ZSWIM9: variants seen among roughly 807,000 people sequenced by gnomAD.
ZSWIM9 encodes uncharacterized protein ZSWIM9.
A neutral mutation model predicts 25.0 loss-of-function variants in ZSWIM9; 11 were observed. That is an observed-to-expected ratio of 0.44 (90% confidence interval 0.28 to 0.73). The LOEUF (loss-of-function observed/expected upper bound fraction) is 0.73. Among genes scored for constraint, ZSWIM9 ranks in the 30% least tolerant of loss-of-function variants. The pLI is 0.16. For synonymous variants in ZSWIM9, 562 were observed against 582.1 expected (o/e 0.97, Z 0.50); for missense variants, 1,070 against 1,296.5 (o/e 0.83, Z 2.68).
At chr19:48,172,132 G>T in intron 2 of ZSWIM9, 55 bp downstream of exon 2, 8 of 1,110,872 alleles carry the variant, frequency 7.2e-6, no homozygotes, top group Non-Finnish European at 1.0e-5. Flanking sequence ...CCGGGGGTGG[G>T]TGTGGGTGGG....
Position 48,171,873 on chromosome 19 carries a change from TC to T in ZSWIM9, c.72del (p.Phe25SerfsTer82). 1 of 1,535,524 alleles carries T rather than the reference TC, an allele frequency of 6.5e-7. No homozygotes were observed. Among genetic ancestry groups the T allele is most frequent in the Non-Finnish European group, 8.7e-7 (1 of 1,146,638 alleles). On this transcript the variant is annotated frameshift_variant, in exon 2 of 4. Coordinates refer to ENST00000614654, the MANE Select transcript of ZSWIM9 (RefSeq NM_199341.4). LOFTEE classifies it high-confidence loss of function. ...QEEQELRERA[F>X]FSWAEFSRFF... is the part of the protein sequence containing the mutation. ...GAGCAGGAGCTGCGGGAGCGGGCCT[TC>T]TTCTCGTGGGCCGAGTTCAGCCGCT...
At position 48,182,554 on chromosome 19, in the gene ZSWIM9, G is replaced by A. The variant is rs565428109; in HGVS notation, c.375G>A (p.Pro125=). ...AGTGCCAGCTGACCCACTCACACCC[G>A]GCCTGCCCGCTGGAGTTCGCCTACT... ...VTECQLTHSH[P]ACPLEFAYYF... The change falls in exon 3 of 4, where the codon CCG becomes CCA. Residue 125 remains proline (P), a synonymous_variant. Coordinates refer to ENST00000614654, the MANE Select transcript of ZSWIM9 (RefSeq NM_199341.4). The surrounding 1 kb of genome is among the most constrained non-coding windows in gnomAD (Gnocchi z 4.6). 1,030 of 1,535,836 alleles carry A rather than the reference G, an allele frequency of 6.7e-4. 6 individuals carry two copies. In the African/African-American group the frequency reaches 0.012, roughly 19 times the overall value.
At chr19:48,179,791 T>C (rs2036929320) in intron 2 of ZSWIM9, among the ~76,000 whole-genome samples, 1 of 152,232 alleles carries the variant, frequency 6.6e-6, no homozygotes, top group African/African-American at 2.4e-5. Context: ...ATGATTGTCT[T>C]AGTCTCAATT....
At position 48,195,975 on chromosome 19, in the gene ZSWIM9, A is replaced by T. The variant is rs1290990455; in HGVS notation, c.1911A>T (p.Ala637=). Residue 637 remains alanine, a synonymous_variant, in exon 4 of 4, where the codon GCA becomes GCT. Coordinates refer to ENST00000614654, the MANE Select transcript of ZSWIM9 (RefSeq NM_199341.4). This position sits in a 1 kb window ranked among gnomAD's most constrained non-coding sequence, Gnocchi z 5.8. ...WRGAQLHDER[A]GGLRTAEWKG... is the part of the protein sequence containing the mutation. ...GGGCGCAGCTGCACGATGAAAGGGC[A>T]GGGGGACTGAGAACTGCAGAATGGA... 2 of 1,313,136 alleles carry T rather than the reference A, an allele frequency of 1.5e-6. No individual in the cohort carries two copies. The highest frequency in any genetic ancestry group is 9.7e-7 in the Non-Finnish European group (1 of 1,035,240). The allele number at this position is 1,313,136 out of a possible 1,614,324, so 81.3% of individuals were successfully genotyped here. A position where few individuals can be genotyped will look rare whatever the true frequency, so the allele number is the denominator to read the frequency against.
At chr19:48,184,166 T>C (rs1481265058) in intron 3 of ZSWIM9, among the ~76,000 whole-genome samples, 1 of 151,484 alleles carries the variant, frequency 6.6e-6, no homozygotes. Context: ...GTTCTAAGGG[T>C]GCTGTTTGAA....
intron 3 of ZSWIM9, among the ~76,000 whole-genome samples, chr19:48,193,569 T>C (rs967924215): frequency 1.1e-4 from 17 of 152,142 alleles, no homozygotes; most frequent in Non-Finnish European, 1.8e-4. Context: ...AAGCAGGCAA[T>C]GGGCAGATCA....
Position 48,195,962 on chromosome 19 carries a change from A to G in ZSWIM9, c.1898A>G (p.His633Arg), listed in dbSNP as rs1290295707. 7.6e-7 allele frequency: 1 copy of G among 1,318,746 alleles called. No homozygotes were observed. Among genetic ancestry groups the G allele is most frequent in the Admixed American group, 3.9e-5 (1 of 25,852 alleles). The allele number at this position is 1,318,746 out of a possible 1,614,324, so 81.7% of individuals were successfully genotyped here. Residue 633 changes from histidine to arginine, a missense_variant, in exon 4 of 4, where the codon CAC (histidine) becomes CGC (arginine). His to Arg is a conservative substitution (Grantham distance 29, BLOSUM62 0). Coordinates refer to ENST00000614654, the MANE Select transcript of ZSWIM9 (RefSeq NM_199341.4). The surrounding 1 kb of genome is among the most constrained non-coding windows in gnomAD (Gnocchi z 5.8). ...AGCCCCTGGAGGGGGGCGCAGCTGCACGATGAAAGGGCAGGGGGACTGAGA... is the reference window on the plus strand; with the variant it reads ...AGCCCCTGGAGGGGGGCGCAGCTGCGCGATGAAAGGGCAGGGGGACTGAGA... The part of the protein sequence containing the change: ...EGSPWRGAQL[H>R]DERAGGLRTA...
intron 2 of ZSWIM9, among the ~76,000 whole-genome samples, chr19:48,178,248 A>G (rs987563980): frequency 6.6e-6 from 1 of 152,218 alleles, no homozygotes; most frequent in African/African-American, 2.4e-5. Flanking sequence ...GTTGATTCTT[A>G]AAATCTAGCA....
intron 3 of ZSWIM9, among the ~76,000 whole-genome samples, chr19:48,193,732 CTT>C (rs1350807468): frequency 1.6e-4 from 25 of 152,352 alleles, no homozygotes; most frequent in African/African-American, 5.5e-4. Context: ...TTTCAGAACA[CTT>C]ACTATTTGTT....
At chr19:48,172,890 C>T (rs199600561) in intron 2 of ZSWIM9, among the ~76,000 whole-genome samples, 10 of 148,624 alleles carry the variant, frequency 6.7e-5, no homozygotes, top group South Asian at 2.1e-4. Flanking sequence ...AAAATAGTCA[C>T]GGAAAATTCC....
Position 48,195,648 on chromosome 19 carries a change from G to A in ZSWIM9, c.1584G>A (p.Leu528=), listed in dbSNP as rs2037152681. ...TCAGAGATTGGAGAGGGGGTCGGTT[G>A]GAGAATCAGAAGCCGAGGGGACTGG... ...LQIRDWRGGR[L]ENQKPRGLEG... The change falls in exon 4 of 4, where the codon TTG becomes TTA. Residue 528 remains leucine (L), a synonymous_variant. Transcript: ENST00000614654. The surrounding 1 kb of genome is among the most constrained non-coding windows in gnomAD (Gnocchi z 5.8). 2 of 1,427,234 alleles carry A rather than the reference G, an allele frequency of 1.4e-6. No individual in the cohort carries two copies. The highest frequency in any genetic ancestry group is 2.9e-5 in the Admixed American group (1 of 34,058). The allele number at this position is 1,427,234 out of a possible 1,614,324, so 88.4% of individuals were successfully genotyped here. A position where few individuals can be genotyped will look rare whatever the true frequency, so the allele number is the denominator to read the frequency against.
At chr19:48,187,106 G>A (rs1568579127) in intron 3 of ZSWIM9, among the ~76,000 whole-genome samples, 1 of 150,860 alleles carries the variant, frequency 6.6e-6, no homozygotes. Flanking sequence ...GCTGGCTTAG[G>A]ATTCATGGGT....
intron 1 of ZSWIM9, 59 bp from the exon 2 acceptor site, chr19:48,171,735 T>C: frequency 1.9e-5 from 26 of 1,365,670 alleles, no homozygotes; most frequent in Non-Finnish European, 2.5e-5. Context: ...ATGGAGTAGA[T>C]GAGATACCCC....
Position 48,195,920 on chromosome 19 carries a change from T to A in ZSWIM9, c.1856T>A (p.Val619Asp). 5.9e-6 allele frequency: 8 copies of A among 1,361,718 alleles called. No homozygotes were observed. In the South Asian group the frequency reaches 1.5e-4, roughly 26 times the overall value. The allele number at this position is 1,361,718 out of a possible 1,614,324, so 84.4% of individuals were successfully genotyped here. The change falls in exon 4 of 4, where the codon GTC becomes GAC. Residue 619 changes from valine to aspartate, a missense_variant. Physicochemically the swap from Val to Asp is radical, Grantham distance 152 (BLOSUM62 -3). Transcript: ENST00000614654. The surrounding 1 kb of genome is among the most constrained non-coding windows in gnomAD (Gnocchi z 5.8). ...GGGACCCAGTTTGACTATGAGAGGGTCAGGAGTCTTGAAGGAAGCCCCTGG... is the reference window on the plus strand; with the variant it reads ...GGGACCCAGTTTGACTATGAGAGGGACAGGAGTCTTGAAGGAAGCCCCTGG... ...LRGTQFDYER[V>D]RSLEGSPWRG...
rs757465058 is a variant in ZSWIM9 at position 48,173,632 on chromosome 19, C to CTTTAT, written c.275+1573_275+1577dup. Reference sequence around the variant, plus strand: ...CCAAATTGACCCCAATTTTATTTTACTTTATTTTATTTTATTTTATTTGAG... The same window carrying CTTTAT: ...CCAAATTGACCCCAATTTTATTTTACTTTATTTTATTTTATTTTATTTTATTTGAG... On this transcript the variant is annotated intron_variant, in intron 2 of 3. Transcript: ENST00000614654. 5.5e-3 allele frequency among the ~76,000 whole-genome samples: 830 copies of CTTTAT among 151,932 alleles called. 11 individuals carry two copies. The highest frequency in any genetic ancestry group is 0.017 in the African/African-American group (724 of 41,436).
chr19:48,192,476 A>C (rs372362233), intron 3 of ZSWIM9, among the ~76,000 whole-genome samples: 2 of 22,566 alleles, frequency 8.9e-5, no homozygotes, highest in African/African-American at 2.7e-4. Flanking sequence ...AAAAAAAAAA[A>C]AAAAATATAT....
chr19:48,173,424 AAGTAGCTGG>A (rs2036860795), intron 2 of ZSWIM9, among the ~76,000 whole-genome samples: 1 of 152,040 alleles, frequency 6.6e-6, no homozygotes, highest in Non-Finnish European at 1.5e-5. Context: ...TCAGCCTCCC[AAGTAGCTGG>A]GACTACAGGT....
chr19:48,192,464 A>C (rs1435317863), intron 3 of ZSWIM9, among the ~76,000 whole-genome samples: 1 of 23,750 alleles, frequency 4.2e-5, no homozygotes, highest in Non-Finnish European at 9.9e-5. Flanking sequence ...AAAAAAAAAA[A>C]AAAAAAAAAA....
Position 48,196,477 on chromosome 19 carries a change from G to T in ZSWIM9, c.2413G>T (p.Glu805Ter). The T allele has an allele frequency of 8.1e-7, 1 of 1,232,662 alleles. No individual in the cohort carries two copies. The highest frequency in any genetic ancestry group is 1.0e-6 in the Non-Finnish European group (1 of 988,416). The allele number at this position is 1,232,662 out of a possible 1,614,324, so 76.4% of individuals were successfully genotyped here. The change falls in exon 4 of 4, where the codon GAA becomes TAA. Residue 805 changes from glutamate to a stop codon, truncating the protein, a stop_gained. Transcript: ENST00000614654. LOFTEE classifies it high-confidence loss of function. ...LQEGGEDGPR[E>*]PKRLCRPPGE... ...GGAAGGAGGCGAAGATGGCCCCAGGGAACCAAAGAGGCTTTGCCGACCCCC... is the reference window on the plus strand; with the variant it reads ...GGAAGGAGGCGAAGATGGCCCCAGGTAACCAAAGAGGCTTTGCCGACCCCC...
Sources: allele counts gnomAD v4.1 joint callset (sites outside exome capture counted in the v4.1 genomes callset), GRCh38; gene constraint gnomAD v4.1.1; non-coding constraint Gnocchi (gnomAD v3.1); transcripts MANE v1.5; gene names NCBI Gene and HGNC (gene_info 2026-07-23, HGNC 2026-07-21).